Variants in CSMD1 observed in about 807,000 individuals in gnomAD.
CSMD1 encodes the protein CUB and Sushi multiple domains 1.
Under a neutral mutation model 417.5 loss-of-function variants are expected in CSMD1, and 213 were observed. The observed-to-expected ratio is 0.51, with a 90% CI of 0.46 to 0.57. CSMD1 has a LOEUF of 0.57. CSMD1 is among the 20% of genes least tolerant of loss of function. The pLI, the probability that CSMD1 is intolerant of heterozygous loss-of-function variation, is 0.00. For missense variants in CSMD1, 6,923 were observed against 4,529.7 expected, an observed-to-expected ratio of 1.53 and a Z score of -15.17; for synonymous variants, 2,862 against 1,736.8, an observed-to-expected ratio of 1.65 and a Z score of -16.11.
chr8:4,813,898 G>A (rs989115529), intron 1 of CSMD1, among the ~76,000 whole-genome samples: 1 of 152,052 alleles, frequency 6.6e-6, no homozygotes, highest in Admixed American at 6.6e-5. Flanking sequence ...TTACAAGTAG[G>A]TCAATCTACT....
chr8:4,267,355 AAG>A (rs1432866667), intron 3 of CSMD1, among the ~76,000 whole-genome samples: 2 of 56,866 alleles, frequency 3.5e-5, no homozygotes, highest in African/African-American at 6.9e-5. Context: ...AAGTAACAAT[AAG>A]AGTTTAAAAG....
intron 3 of CSMD1, among the ~76,000 whole-genome samples, chr8:4,208,208 T>C (rs959068384): frequency 1.3e-5 from 2 of 152,180 alleles, no homozygotes; most frequent in Non-Finnish European, 2.9e-5. Context: ...GGAACACAGA[T>C]ATTTCTTCTT....
intron 1 of CSMD1, among the ~76,000 whole-genome samples, chr8:4,864,826 A>G (rs1350855131): frequency 6.6e-6 from 1 of 151,172 alleles, no homozygotes; most frequent in African/African-American, 2.4e-5. Flanking sequence ...TTCATTGTAT[A>G]TAACATTTAA....
chr8:4,599,324 G>C (rs1461973167), intron 2 of CSMD1, among the ~76,000 whole-genome samples: 1 of 151,786 alleles, frequency 6.6e-6, no homozygotes, highest in Non-Finnish European at 1.5e-5. Flanking sequence ...TAGTCAACTA[G>C]ACAGACTTAA....
intron 10 of CSMD1, among the ~76,000 whole-genome samples, chr8:3,536,768 G>T (rs755818529): frequency 2.2e-4 from 34 of 152,290 alleles, no homozygotes; most frequent in Non-Finnish European, 4.0e-4. Flanking sequence ...CCATTGTGTG[G>T]AAGGGACTAA....
chr8:4,994,259 C>A, intron 1 of CSMD1, 73 bp downstream of exon 1: 1 of 1,408,036 alleles, frequency 7.1e-7, no homozygotes, highest in Non-Finnish European at 9.8e-7. Context: ...GTCCCCAAAA[C>A]GCACACTCGC....
intron 3 of CSMD1, among the ~76,000 whole-genome samples, chr8:4,387,865 T>A (rs1304787855): frequency 6.6e-6 from 1 of 152,134 alleles, no homozygotes; most frequent in Non-Finnish European, 1.5e-5. Context: ...CAAATATTCT[T>A]TAATGTCCTT....
chr8:3,722,014 T>C (rs1456092184), intron 6 of CSMD1, among the ~76,000 whole-genome samples: 2 of 151,872 alleles, frequency 1.3e-5, no homozygotes, highest in African/African-American at 2.4e-5. Flanking sequence ...ATGGGTGGAG[T>C]TGGCACAGGT....
chr8:3,584,149 C>T (rs1277636313), intron 9 of CSMD1, among the ~76,000 whole-genome samples: 6 of 152,082 alleles, frequency 3.9e-5, no homozygotes, highest in Non-Finnish European at 7.4e-5. Flanking sequence ...TTAATAAGAA[C>T]TAATAAGAAC....
In CSMD1 at chr8:2,995,448, G is replaced by A. The variant is rs565933623; in HGVS notation, c.8377+2563C>T. On this transcript the variant is annotated intron_variant, in intron 54 of 69. Coordinates refer to ENST00000635120, the MANE Select transcript of CSMD1 (RefSeq NM_033225.6). ...TCATCGCCCACACATGTTGGGTAGG[G>A]ATGACAAATAGTACCGCCATGCTGG... 1.3e-4 allele frequency among the ~76,000 whole-genome samples: 20 copies of A among 152,272 alleles called. No homozygotes were observed. The South Asian group carries it at 3.9e-3, about 30-fold the overall frequency.
intron 7 of CSMD1, among the ~76,000 whole-genome samples, chr8:3,687,765 A>C (rs1444858895): frequency 6.6e-6 from 1 of 152,190 alleles, no homozygotes; most frequent in African/African-American, 2.4e-5. Context: ...GTAACGGCCA[A>C]GTCTGGCCTG....
In CSMD1 at chr8:3,422,855, C is replaced by T. The variant is rs758426798; in HGVS notation, c.1562-13250G>A. Among the ~76,000 whole-genome samples, 7 of 152,240 alleles carry T rather than the reference C, an allele frequency of 4.6e-5. No individual in the cohort carries two copies. In the Middle Eastern group the frequency reaches 0.01, roughly 222 times the overall value. ...GTCTGATGACAACTGCTCTCTGCTT[C>T]GAAAACAGTGCCATGAATTCTGTGT... On this transcript the variant is annotated intron_variant, in intron 12 of 69. Coordinates refer to ENST00000635120, the MANE Select transcript of CSMD1 (RefSeq NM_033225.6).
At chr8:3,711,626 A>C (rs969723210) in intron 6 of CSMD1, among the ~76,000 whole-genome samples, 1 of 152,172 alleles carries the variant, frequency 6.6e-6, no homozygotes, top group Non-Finnish European at 1.5e-5. Context: ...CAAATATCAC[A>C]GGAAAGGGAA....
chr8:4,833,888 G>T (rs1284969285), intron 1 of CSMD1, among the ~76,000 whole-genome samples: 2 of 152,154 alleles, frequency 1.3e-5, no homozygotes, highest in Non-Finnish European at 2.9e-5. Flanking sequence ...ATAACAAACC[G>T]TACATGTCAC....
chr8:4,025,761 G>C (rs531315919), intron 4 of CSMD1, among the ~76,000 whole-genome samples: 7 of 152,210 alleles, frequency 4.6e-5, no homozygotes, highest in African/African-American at 1.2e-4. Context: ...TGTGATGTTT[G>C]TTCCCTGTTT....
In CSMD1 at chr8:3,726,298, G is replaced by C. The variant is rs79149924; in HGVS notation, c.932-17807C>G. On this transcript the variant is annotated intron_variant, in intron 6 of 69. Coordinates refer to ENST00000635120, the MANE Select transcript of CSMD1 (RefSeq NM_033225.6). Reference sequence around the variant, plus strand: ...ACATCGTCTCCCTTAAAAAATACGTGAGCTCAGACACCTTTCTTCATTAGG... The same window carrying C: ...ACATCGTCTCCCTTAAAAAATACGTCAGCTCAGACACCTTTCTTCATTAGG... 2.9e-4 allele frequency among the ~76,000 whole-genome samples: 44 copies of C among 152,260 alleles called. 2 individuals are homozygous for C. The East Asian group carries it at 8.3e-3, about 29-fold the overall frequency.
intron 1 of CSMD1, among the ~76,000 whole-genome samples, chr8:4,640,365 T>C (rs960199358): frequency 1.3e-5 from 2 of 152,236 alleles, no homozygotes; most frequent in African/African-American, 4.8e-5. Context: ...GGTCTGCAAC[T>C]TAATACTGCA....
At chr8:4,925,537 C>CTTTTTTTTTTTTTTTTTT (rs113682113) in intron 1 of CSMD1, among the ~76,000 whole-genome samples, 1 of 145,910 alleles carries the variant, frequency 6.9e-6, no homozygotes, top group Non-Finnish European at 1.5e-5. Context: ...CTGGCATTTT[C>CTTTTTTTTTTTTTTTTTT]TTTTTTTTTT....
intron 1 of CSMD1, among the ~76,000 whole-genome samples, chr8:4,844,549 T>C (rs554040551): frequency 1.3e-5 from 2 of 152,292 alleles, no homozygotes; most frequent in Admixed American, 6.5e-5. Context: ...CGAGATTCAA[T>C]AACCAGCCAT....
Sources: gnomAD v4.1 joint callset for allele counts (sites outside exome capture counted in the v4.1 genomes callset) on GRCh38, gnomAD v4.1.1 for gene constraint, MANE v1.5 for transcripts, NCBI Gene and HGNC (gene_info 2026-07-23, HGNC 2026-07-21) for gene names.